SDK1: variants seen among roughly 807,000 people sequenced by gnomAD.
SDK1 encodes the protein sidekick cell adhesion molecule 1.
Under a neutral mutation model 245.5 loss-of-function variants are expected in SDK1, and 157 were observed. The observed-to-expected ratio is 0.64, with a 90% CI of 0.56 to 0.73. SDK1 has a LOEUF of 0.73. Among genes scored for constraint, SDK1 ranks in the 30% least tolerant of loss-of-function variants. SDK1 has a pLI of 0.00. For synonymous variants in SDK1, 1,647 were observed against 1,278.5 expected, an observed-to-expected ratio of 1.29 and a Z score of -6.15; for missense variants, 3,583 against 3,002.3, an observed-to-expected ratio of 1.19 and a Z score of -4.52.
At chr7:4,205,087 C>G (rs912122575) in intron 35 of SDK1, among the ~76,000 whole-genome samples, 3 of 84,710 alleles carry the variant, frequency 3.5e-5, no homozygotes, top group African/African-American at 2.1e-4. Context: ...CAGACAGCAC[C>G]CCAGTGAGCT....
At chr7:3,753,113 T>C (rs1197010075) in intron 4 of SDK1, among the ~76,000 whole-genome samples, 2 of 152,142 alleles carry the variant, frequency 1.3e-5, no homozygotes, top group African/African-American at 4.8e-5. Context: ...GGATCAAAAA[T>C]TGAGAGAACT....
At chr7:3,625,836 A>G (rs1782099306) in intron 2 of SDK1, among the ~76,000 whole-genome samples, 1 of 152,176 alleles carries the variant, frequency 6.6e-6, no homozygotes. Context: ...AAGTGATGCC[A>G]GCTGCGCCAC....
At chr7:3,870,319 AAG>A (rs1399012735) in intron 5 of SDK1, among the ~76,000 whole-genome samples, 1 of 152,190 alleles carries the variant, frequency 6.6e-6, no homozygotes, top group Non-Finnish European at 1.5e-5. Flanking sequence ...GGCCCCTTTT[AAG>A]CTGAGGGAAC....
chr7:3,781,724 A>C (rs181661283), intron 4 of SDK1, among the ~76,000 whole-genome samples: 2 of 152,294 alleles, frequency 1.3e-5, no homozygotes, highest in African/African-American at 4.8e-5. Flanking sequence ...CAAAAATAGA[A>C]ACAATAAAAA....
At chr7:3,606,900 A>C (rs933935892) in intron 1 of SDK1, among the ~76,000 whole-genome samples, 1 of 152,234 alleles carries the variant, frequency 6.6e-6, no homozygotes, top group Non-Finnish European at 1.5e-5. Flanking sequence ...GAAAAAAGTT[A>C]TGTACAACAC....
At chr7:3,676,297 G>A (rs201175789) in intron 4 of SDK1, among the ~76,000 whole-genome samples, 3 of 149,310 alleles carry the variant, frequency 2.0e-5, no homozygotes, top group African/African-American at 4.9e-5. Flanking sequence ...GGAATTACAC[G>A]TACCACACCT....
chr7:4,004,315 A>G (rs1049760052), intron 14 of SDK1, among the ~76,000 whole-genome samples: 5 of 152,234 alleles, frequency 3.3e-5, no homozygotes, highest in Non-Finnish European at 5.9e-5. Context: ...AGGAGATTCA[A>G]CATGCAGACT....
intron 4 of SDK1, among the ~76,000 whole-genome samples, chr7:3,820,532 T>G (rs940206163): frequency 1.2e-4 from 18 of 152,240 alleles, no homozygotes; most frequent in Non-Finnish European, 2.6e-4. Flanking sequence ...AAGGATCCCA[T>G]AAAACACCCA....
chr7:3,991,886 T>C (rs1784356369), intron 14 of SDK1, among the ~76,000 whole-genome samples: 1 of 152,234 alleles, frequency 6.6e-6, no homozygotes, highest in African/African-American at 2.4e-5. Context: ...TTTTTATTTT[T>C]ATTAGCAACA....
At chr7:3,799,914 TTTC>T (rs1191640357) in intron 4 of SDK1, among the ~76,000 whole-genome samples, 1 of 152,164 alleles carries the variant, frequency 6.6e-6, no homozygotes, top group East Asian at 1.9e-4. Context: ...TATGCTTTTC[TTTC>T]TTTGTCTCCT....
At chr7:3,672,796 A>ATATATATAT (rs1554307151) in intron 4 of SDK1, among the ~76,000 whole-genome samples, 738 of 52,932 alleles carry the variant, frequency 0.014, 13 homozygotes, top group East Asian at 0.017. Flanking sequence ...TATATATATA[A>ATATATATAT]AAAATACAGA....
chr7:3,301,598 C>T lies in SDK1; in HGVS notation c.12C>T (p.Gly4=), dbSNP rs1202173949. 1.0e-6 allele frequency: 1 copy of T among 973,410 alleles called. No individual in the cohort carries two copies. The highest frequency in any genetic ancestry group is 1.2e-6 in the Non-Finnish European group (1 of 823,176). The allele number at this position is 973,410 out of a possible 1,614,324, so 60.3% of individuals were successfully genotyped here. A position where few individuals can be genotyped will look rare whatever the true frequency, so the allele number is the denominator to read the frequency against. The change falls in exon 1 of 45, where the codon GGC becomes GGT. Residue 4 remains glycine (G), a synonymous_variant. Coordinates refer to ENST00000404826, the MANE Select transcript of SDK1 (RefSeq NM_152744.4). MAR[G]ARPSAAGGGG... is the part of the protein sequence containing the mutation. Reference sequence around the variant, plus strand: ...GGCGGCTGCTCGGCATGGCCCGGGGCGCCCGGCCCTCGGCGGCCGGTGGCG... The same window carrying T: ...GGCGGCTGCTCGGCATGGCCCGGGGTGCCCGGCCCTCGGCGGCCGGTGGCG...
chr7:3,768,093 G>A (rs1161852582), intron 4 of SDK1, among the ~76,000 whole-genome samples: 1 of 152,194 alleles, frequency 6.6e-6, no homozygotes. Flanking sequence ...CACAATCCCA[G>A]GCTCTTGATT....
intron 4 of SDK1, among the ~76,000 whole-genome samples, chr7:3,665,708 T>G (rs1244747832): frequency 6.6e-6 from 1 of 152,154 alleles, no homozygotes; most frequent in Non-Finnish European, 1.5e-5. Context: ...CATTGAGCAT[T>G]GGTGCTTTCT....
In SDK1 at chr7:3,889,597, T is replaced by A. The variant is rs775381636; in HGVS notation, c.848-61326T>A. ...ATCTCAGCTCACTGCAAGCTCTGCC[T>A]CCCGGCTTCATGCCATTCTCCTGCC... On this transcript the variant is annotated intron_variant, in intron 5 of 44. Transcript: ENST00000404826. 5.1e-4 allele frequency among the ~76,000 whole-genome samples: 78 copies of A among 152,224 alleles called. No individual in the cohort carries two copies. In the Middle Eastern group the frequency reaches 0.01, roughly 20 times the overall value.
At chr7:3,902,447 A>G (rs886718724) in intron 5 of SDK1, among the ~76,000 whole-genome samples, 1 of 152,204 alleles carries the variant, frequency 6.6e-6, no homozygotes, top group Non-Finnish European at 1.5e-5. Context: ...GAGAGATTTA[A>G]TATTTCCTTC....
At chr7:3,621,592 A>G (rs1200990813) in intron 2 of SDK1, among the ~76,000 whole-genome samples, 1 of 152,160 alleles carries the variant, frequency 6.6e-6, no homozygotes, top group East Asian at 1.9e-4. Context: ...TTCCACATGG[A>G]TGTTTTCTGA....
intron 1 of SDK1, among the ~76,000 whole-genome samples, chr7:3,420,028 T>G (rs1349704218): frequency 6.6e-6 from 1 of 152,214 alleles, no homozygotes; most frequent in African/African-American, 2.4e-5. Flanking sequence ...GCTTTGGGTT[T>G]TTGAAATCTG....
intron 1 of SDK1, among the ~76,000 whole-genome samples, chr7:3,549,379 T>G (rs1779330297): frequency 6.6e-6 from 1 of 152,226 alleles, no homozygotes; most frequent in African/African-American, 2.4e-5. Flanking sequence ...AGAGAAATAA[T>G]CTTGCCAAGT....
Sources: allele counts gnomAD v4.1 joint callset (sites outside exome capture counted in the v4.1 genomes callset), GRCh38; gene constraint gnomAD v4.1.1; transcripts MANE v1.5; gene names NCBI Gene and HGNC (gene_info 2026-07-23, HGNC 2026-07-21).